KCND2: variants seen among roughly 807,000 people sequenced by gnomAD.
KCND2 encodes potassium voltage-gated channel subfamily D member 2, also known as A-type voltage-gated potassium channel KCND2.
KCND2 carries 16 observed loss-of-function variants against 54.4 expected under a neutral mutation model. The ratio of observed to expected loss-of-function variants is 0.29; its 90% CI spans 0.20 to 0.45. The LOEUF (loss-of-function observed/expected upper bound fraction) is 0.45, where lower values mean the gene tolerates loss of function less well. Among genes scored for constraint, KCND2 ranks in the 20% least tolerant of loss-of-function variants. KCND2 has a pLI of 1.00. For synonymous variants in KCND2, 317 were observed against 310.7 expected, an observed-to-expected ratio of 1.02 and a Z score of -0.21; for missense variants, 486 against 824.2, an observed-to-expected ratio of 0.59 and a Z score of 5.02.
chr7:120,738,067 C>T (rs765485047), intron 2 of KCND2, among the ~76,000 whole-genome samples: 10 of 151,894 alleles, frequency 6.6e-5, no homozygotes, highest in Non-Finnish European at 1.3e-4. Flanking sequence ...TGTCACTTGG[C>T]GTAATTAAAA....
At chr7:120,339,133 C>T (rs918524976) in intron 1 of KCND2, among the ~76,000 whole-genome samples, 13 of 151,438 alleles carry the variant, frequency 8.6e-5, no homozygotes, top group South Asian at 2.1e-4. Flanking sequence ...CCTCGTGATC[C>T]GCCTGCCTCA....
At chr7:120,531,434 C>A (rs1791841525) in intron 1 of KCND2, among the ~76,000 whole-genome samples, 1 of 152,048 alleles carries the variant, frequency 6.6e-6, no homozygotes, top group Admixed American at 6.6e-5. Flanking sequence ...ACTTAAAGTC[C>A]TTGTGCTTGC....
chr7:120,723,962 A>C (rs543352156), intron 1 of KCND2, among the ~76,000 whole-genome samples: 2 of 152,250 alleles, frequency 1.3e-5, no homozygotes, highest in Admixed American at 1.3e-4. Context: ...ATTGGAGAGG[A>C]ATTTAGAAAA....
rs888627233 is a variant in KCND2 at position 120,444,222 on chromosome 7, A to G, written c.1115+168475A>G. ...CACTTAAAATTGTGCTTCCTTGCTC[A>G]TAGTGAGTTGTGCTGAAATTTGCTC... On this transcript the variant is annotated intron_variant, in intron 1 of 5. Transcript: ENST00000331113. Among the ~76,000 whole-genome samples, 8 of 152,218 alleles carry G rather than the reference A, an allele frequency of 5.3e-5. No homozygotes were observed. The East Asian group carries it at 1.5e-3, about 29-fold the overall frequency.
chr7:120,598,723 T>C (rs1262084533), intron 1 of KCND2, among the ~76,000 whole-genome samples: 1 of 152,224 alleles, frequency 6.6e-6, no homozygotes, highest in Non-Finnish European at 1.5e-5. Flanking sequence ...TATACATTTC[T>C]TTATTGCATA....
At chr7:120,302,154 C>T (rs2116296959) in intron 1 of KCND2, among the ~76,000 whole-genome samples, 1 of 152,248 alleles carries the variant, frequency 6.6e-6, no homozygotes, top group African/African-American at 2.4e-5. Flanking sequence ...GTAGTGAAGA[C>T]TCCCTAAAAG....
chr7:120,513,233 GGTTTCGACATATGTACCTGAAGCAT>G (rs1209950672), intron 1 of KCND2, among the ~76,000 whole-genome samples: 7 of 152,098 alleles, frequency 4.6e-5, no homozygotes, highest in Admixed American at 4.6e-4. Flanking sequence ...TGCTGAAGCA[GGTTTCGACATATGTACCTGAAGCAT>G]GTTTTCAGAC....
Position 120,274,780 on chromosome 7 carries a change from A to C in KCND2, c.148A>C (p.Thr50Pro), listed in dbSNP as rs1584706249. ...DALIVLNVSG[T>P]RFQTWQDTLE... is the part of the protein sequence containing the mutation. ...TCTCATTGTGCTGAATGTGAGTGGC[A>C]CCCGCTTCCAGACGTGGCAGGACAC... Residue 50 changes from threonine (T) to proline (P), a missense_variant, in exon 1 of 6, where the codon ACC becomes CCC. Around this residue, in one of 7 missense-constraint regions of KCND2, gnomAD observed 231 missense variants for 386.0 expected, o/e 0.60. Transcript: ENST00000331113. 6.2e-7 allele frequency: 1 copy of C among 1,613,976 alleles called. No individual in the cohort carries two copies. Among genetic ancestry groups the C allele is most frequent in the Non-Finnish European group, 8.5e-7 (1 of 1,180,002 alleles).
intron 1 of KCND2, among the ~76,000 whole-genome samples, chr7:120,664,724 T>A (rs1469870396): frequency 6.6e-5 from 10 of 152,068 alleles, no homozygotes; most frequent in African/African-American, 2.4e-4. Context: ...CTTGATTTTC[T>A]TCCAGTCCCT....
chr7:120,460,147 G>A (rs1282803801), intron 1 of KCND2, among the ~76,000 whole-genome samples: 1 of 152,010 alleles, frequency 6.6e-6, no homozygotes, highest in Non-Finnish European at 1.5e-5. Flanking sequence ...CCATAACTAA[G>A]CATGTTTTTG....
chr7:120,311,030 TGTA>T (rs1211433703), intron 1 of KCND2, among the ~76,000 whole-genome samples: 2 of 152,132 alleles, frequency 1.3e-5, no homozygotes, highest in Non-Finnish European at 2.9e-5. Flanking sequence ...TGTATATACA[TGTA>T]TATGTGTGTA....
intron 1 of KCND2, among the ~76,000 whole-genome samples, chr7:120,469,739 T>TA (rs1385021174): frequency 3.9e-5 from 6 of 152,120 alleles, no homozygotes; most frequent in Non-Finnish European, 7.4e-5. Flanking sequence ...TCTTCCCTGT[T>TA]AGACCAATTG....
intron 1 of KCND2, among the ~76,000 whole-genome samples, chr7:120,479,796 CAAAA>C (rs771337674): frequency 0.04 from 3,001 of 75,612 alleles, 136 homozygotes; most frequent in African/African-American, 0.12. Flanking sequence ...TACACACACA[CAAAA>C]AAAAAAAAAA....
intron 1 of KCND2, among the ~76,000 whole-genome samples, chr7:120,425,187 A>T (rs1353820875): frequency 2.0e-5 from 3 of 152,212 alleles, no homozygotes; most frequent in Non-Finnish European, 4.4e-5. Flanking sequence ...TGAGCATATA[A>T]TGGAGTGAAA....
At chr7:120,489,255 A>G (rs1266101985) in intron 1 of KCND2, among the ~76,000 whole-genome samples, 14 of 152,082 alleles carry the variant, frequency 9.2e-5, no homozygotes, top group Admixed American at 9.2e-4. Flanking sequence ...TCTATAAGTG[A>G]ACACTCTTAA....
intron 1 of KCND2, among the ~76,000 whole-genome samples, chr7:120,690,291 A>T (rs897568739): frequency 6.6e-6 from 1 of 152,228 alleles, no homozygotes; most frequent in Non-Finnish European, 1.5e-5. Context: ...TATTATTTTT[A>T]AAATAAAGAC....
chr7:120,678,738 GTATATATATATATA>G (rs66483423), intron 1 of KCND2, among the ~76,000 whole-genome samples: 11,604 of 115,792 alleles, frequency 0.1, 700 homozygotes, highest in Non-Finnish European at 0.14. Context: ...GTGTGTGAGT[GTATATATATATATA>G]TATATATATA....
At chr7:120,429,104 G>A (rs1801756392) in intron 1 of KCND2, among the ~76,000 whole-genome samples, 1 of 152,182 alleles carries the variant, frequency 6.6e-6, no homozygotes, top group African/African-American at 2.4e-5. Context: ...TTGTATAGAA[G>A]AGCCAAACTC....
chr7:120,662,189 AT>A (rs1791873560), intron 1 of KCND2, among the ~76,000 whole-genome samples: 1 of 152,024 alleles, frequency 6.6e-6, no homozygotes, highest in African/African-American at 2.4e-5. Flanking sequence ...TAGAGGTAAA[AT>A]TTTTCCTCCC....
Sources: allele counts gnomAD v4.1 joint callset (sites outside exome capture counted in the v4.1 genomes callset), GRCh38; gene constraint gnomAD v4.1.1; regional missense constraint gnomAD v4.1.1; transcripts MANE v1.5; gene names NCBI Gene and HGNC (gene_info 2026-07-23, HGNC 2026-07-21).